Variants in ACADM observed in about 807,000 individuals in gnomAD.
ACADM encodes acyl-CoA dehydrogenase medium chain.
Under a neutral mutation model 58.9 loss-of-function variants are expected in ACADM, and 49 were observed. The ratio of observed to expected loss-of-function variants is 0.83; its 90% confidence interval spans 0.66 to 1.06. ACADM has a LOEUF of 1.06. ACADM is among the 50% of genes least tolerant of loss of function. The pLI, the probability that ACADM is intolerant of heterozygous loss-of-function variation, is 0.00. For synonymous variants in ACADM, 160 were observed against 157.7 expected (o/e 1.01, Z -0.11); for missense variants, 496 against 507.0 (o/e 0.98, Z 0.21).
intron 1 of ACADM, 36 bp downstream of exon 1, chr1:75,724,853 C>A: frequency 6.9e-7 from 1 of 1,448,208 alleles, no homozygotes; most frequent in Non-Finnish European, 9.1e-7. Context: ...GGGGCTGGAA[C>A]ATGGGTATTG....
At chr1:75,745,724 G>C (rs1647857814) in intron 7 of ACADM, 82 bp from the exon 8 acceptor site, 5 of 1,046,254 alleles carry the variant, frequency 4.8e-6, no homozygotes, top group Non-Finnish European at 7.5e-6. Context: ...AATTGGGATT[G>C]TTAAGAGAAT....
In ACADM at chr1:75,724,711, A is replaced by G. The variant is rs962235339; in HGVS notation, c.-77A>G. ...CACGGGCTCCAGTGGGCGGGACCAG[A>G]GGAGTCCCGCGTTCGGGGAGTATGT... is the stretch of plus-strand genomic sequence containing the variant. On this transcript the variant is annotated 5_prime_UTR_variant, in exon 1 of 12. Coordinates refer to ENST00000370841, the MANE Select transcript of ACADM (RefSeq NM_000016.6). The G allele has an allele frequency of 5.3e-6, 8 of 1,496,388 alleles. No homozygotes were observed. In the African/African-American group the frequency reaches 1.2e-4, roughly 22 times the overall value. 92.7% of individuals were successfully genotyped at this position (1,496,388 alleles called of 1,614,324 possible). A position where few individuals can be genotyped will look rare whatever the true frequency, so the allele number is the denominator to read the frequency against.
chr1:75,730,628 C>T (rs1250878), intron 2 of ACADM, among the ~76,000 whole-genome samples: 2 of 151,416 alleles, frequency 1.3e-5, no homozygotes, highest in Admixed American at 6.6e-5. Context: ...TGGATTCTCT[C>T]GCCTCAGCTT....
At chr1:75,728,628 A>G (rs904369281) in intron 2 of ACADM, 140 bp downstream of exon 2, 4 of 643,122 alleles carry the variant, frequency 6.2e-6, no homozygotes, top group East Asian at 5.9e-5. Flanking sequence ...ATAATTTACA[A>G]TAACTCACAC....
At chr1:75,757,961 C>T (rs1648602589) in intron 10 of ACADM, among the ~76,000 whole-genome samples, 1 of 142,482 alleles carries the variant, frequency 7.0e-6, no homozygotes, top group African/African-American at 2.5e-5. Context: ...TTCCCATGAC[C>T]TCATCTGTGA....
chr1:75,728,475 A>G lies in ACADM; in HGVS notation c.105A>G (p.Leu35=). The G allele has an allele frequency of 6.2e-7, 1 of 1,612,788 alleles. No homozygotes were observed. The highest frequency in any genetic ancestry group is 8.5e-7 in the Non-Finnish European group (1 of 1,178,974). The change falls in exon 2 of 12, where the codon TTA becomes TTG. Residue 35 remains leucine, a synonymous_variant. Coordinates refer to ENST00000370841, the MANE Select transcript of ACADM (RefSeq NM_000016.6). The stretch of plus-strand genomic sequence containing the variant: ...CCAATCGACAACGTGAACCAGGATT[A>G]GGATTTAGTTTTGGTATATGTTCGG... The part of the protein sequence containing the change: ...TKANRQREPG[L]GFSFEFTEQQ...
chr1:75,728,408 G>A lies in ACADM; in HGVS notation c.38G>A (p.Arg13Lys), dbSNP rs1160997519. The A allele has an allele frequency of 6.2e-7, 1 of 1,612,604 alleles. No homozygotes were observed. The highest frequency in any genetic ancestry group is 1.7e-5 in the Admixed American group (1 of 60,002). ...TAAAAGTGTTCTTTACAGGTCCTGA[G>A]AAGTATTTCTCGTTTTCATTGGAGA... ...AGFGRCCRVL[R>K]SISRFHWRSQ... Residue 13 changes from arginine (R) to lysine (K), a missense_variant, in exon 2 of 12, where the codon AGA becomes AAA. Transcript: ENST00000370841.
rs71071962 is a variant in ACADM at position 75,753,795 on chromosome 1, C to CTTTTTTTTTTTTTTTTTTTT, written c.945+3268_945+3269insTTTTTTTTTTTTTTTTTTTT. Among the ~76,000 whole-genome samples the CTTTTTTTTTTTTTTTTTTTT allele has an allele frequency of 1.0e-3, 82 of 81,902 alleles. 15 individuals carry two copies. The highest frequency in any genetic ancestry group is 4.1e-3 in the African/African-American group (68 of 16,466). The allele number at this position is 81,902 out of a possible 152,430, so 53.7% of individuals were successfully genotyped here. A position where few individuals can be genotyped will look rare whatever the true frequency, so the allele number is the denominator to read the frequency against. On this transcript the variant is annotated intron_variant, in intron 10 of 11. Coordinates refer to ENST00000370841, the MANE Select transcript of ACADM (RefSeq NM_000016.6). The stretch of plus-strand genomic sequence containing the variant: ...GCACTCTGCAAAATGCTGATAGCTT[C>CTTTTTTTTTTTTTTTTTTTT]TTTTTTTTTTTTTTTTTTTGAGACA...
rs772586266 is a variant in ACADM, at chr1:75,728,483, GT to G, written c.117del (p.Phe39LeufsTer39). 6.2e-7 allele frequency: 1 copy of G among 1,610,846 alleles called. No homozygotes were observed. The highest frequency in any genetic ancestry group is 8.5e-7 in the Non-Finnish European group (1 of 1,177,338). ...NRQREPGLGF[S>X]FEFTEQQKEF... ...CAACGTGAACCAGGATTAGGATTTA[GT>G]TTTGGTATATGTTCGGTTCTATCTT... On this transcript the variant is annotated frameshift_variant, in exon 2 of 12. Transcript: ENST00000370841. LOFTEE classifies it high-confidence loss of function.
chr1:75,727,519 T>C (rs1647074972), intron 1 of ACADM, among the ~76,000 whole-genome samples: 1 of 152,208 alleles, frequency 6.6e-6, no homozygotes, highest in Non-Finnish European at 1.5e-5. Context: ...CTTTAATAAA[T>C]GCAAATTTTT....
chr1:75,725,195 AATGT>A (rs1647030643), intron 1 of ACADM, among the ~76,000 whole-genome samples: 1 of 152,030 alleles, frequency 6.6e-6, no homozygotes, highest in Non-Finnish European at 1.5e-5. Context: ...TGAAATACTT[AATGT>A]TTAATAAGCT....
At chr1:75,751,527 C>G (rs955295994) in intron 10 of ACADM, among the ~76,000 whole-genome samples, 4 of 149,874 alleles carry the variant, frequency 2.7e-5, no homozygotes, top group African/African-American at 7.4e-5. Flanking sequence ...GAGACAAAGT[C>G]TTGCTCTGTC....
At chr1:75,743,007 C>G (rs998907004) in intron 7 of ACADM, among the ~76,000 whole-genome samples, 19 of 152,194 alleles carry the variant, frequency 1.2e-4, no homozygotes, top group African/African-American at 4.1e-4. Flanking sequence ...TTGGGAGGCA[C>G]AGCATCCTCC....
chr1:75,763,215 T>G lies in ACADM; in HGVS notation c.*452T>G, dbSNP rs1046999457. The G allele has an allele frequency of 6.6e-6, 1 of 152,430 alleles. No individual in the cohort carries two copies. Among genetic ancestry groups the G allele is most frequent in the Non-Finnish European group, 1.5e-5 (1 of 68,206 alleles). The allele number at this position is 152,430 out of a possible 1,614,324, so 9.4% of individuals were successfully genotyped here. On this transcript the variant is annotated 3_prime_UTR_variant, in exon 12 of 12. Coordinates refer to ENST00000370841, the MANE Select transcript of ACADM (RefSeq NM_000016.6). ...TTATTAAAGTTCTTTTTATTGCAGTTTGGAAAGCATTTGTGAAACTTTCTG... is the reference window on the plus strand; with the variant it reads ...TTATTAAAGTTCTTTTTATTGCAGTGTGGAAAGCATTTGTGAAACTTTCTG...
intron 2 of ACADM, among the ~76,000 whole-genome samples, chr1:75,729,930 T>TGAA (rs1235668315): frequency 2.9e-5 from 4 of 138,448 alleles, no homozygotes; most frequent in Non-Finnish European, 6.2e-5. Context: ...AGTCTTGCTC[T>TGAA]GTTGCTCAGG....
chr1:75,734,199 T>C lies in ACADM; in HGVS notation c.387+571T>C, dbSNP rs963133893. On this transcript the variant is annotated intron_variant, in intron 5 of 11. Coordinates refer to ENST00000370841, the MANE Select transcript of ACADM (RefSeq NM_000016.6). ...TTTTTTTTGAGACGGAGTCTCACTC[T>C]GTTGCCCAGGCTGGAGTGCAGTGGC... Among the ~76,000 whole-genome samples the C allele has an allele frequency of 1.1e-4, 16 of 146,892 alleles. 2 individuals carry two copies. Among genetic ancestry groups the C allele is most frequent in the African/African-American group, 3.8e-4 (15 of 38,992 alleles).
At chr1:75,748,048 T>C (rs971707921) in intron 8 of ACADM, among the ~76,000 whole-genome samples, 3 of 152,218 alleles carry the variant, frequency 2.0e-5, no homozygotes, top group Admixed American at 2.0e-4. Flanking sequence ...AGGGTTAGTT[T>C]ATAGCTCTTT....
chr1:75,729,220 T>C (rs971245556), intron 2 of ACADM, among the ~76,000 whole-genome samples: 1 of 81,938 alleles, frequency 1.2e-5, no homozygotes, highest in Non-Finnish European at 2.4e-5. Context: ...TTTTTCCCTT[T>C]TCTTTATAAA....
intron 9 of ACADM, among the ~76,000 whole-genome samples, chr1:75,749,882 T>G (rs1467010243): frequency 6.6e-6 from 1 of 151,842 alleles, no homozygotes; most frequent in East Asian, 1.9e-4. Context: ...CCAGCTAATT[T>G]TTGTATTTTT....
Sources: allele counts gnomAD v4.1 joint callset (sites outside exome capture counted in the v4.1 genomes callset), GRCh38; gene constraint gnomAD v4.1.1; transcripts MANE v1.5; gene names NCBI Gene and HGNC (gene_info 2026-07-23, HGNC 2026-07-21).